GRID2: variants seen among roughly 807,000 people sequenced by gnomAD.
The protein encoded by GRID2 is glutamate receptor ionotropic, delta-2.
GRID2 carries 33 observed loss-of-function variants against 114.8 expected under a neutral mutation model. The observed-to-expected ratio is 0.29, with a 90% CI of 0.22 to 0.38. The LOEUF is 0.38. Ranked by LOEUF, GRID2 falls within the 10% of genes least tolerant of loss-of-function variation. The pLI, the probability that GRID2 is intolerant of heterozygous loss-of-function variation, is 1.00. For synonymous variants in GRID2, 505 were observed against 449.9 expected (o/e 1.12, Z -1.55); for missense variants, 1,184 against 1,257.7 (o/e 0.94, Z 0.89).
At chr4:92,860,222 T>C (rs1744440738) in intron 2 of GRID2, among the ~76,000 whole-genome samples, 1 of 152,036 alleles carries the variant, frequency 6.6e-6, no homozygotes, top group Non-Finnish European at 1.5e-5. Context: ...CAGAGTTGAA[T>C]AGAACGTAAG....
At chr4:92,753,364 T>C (rs1169496367) in intron 2 of GRID2, among the ~76,000 whole-genome samples, 2 of 152,138 alleles carry the variant, frequency 1.3e-5, no homozygotes, top group Admixed American at 6.6e-5. Context: ...TGATGCGTAA[T>C]AAATGACATT....
chr4:93,634,529 G>A (rs1028743034), intron 14 of GRID2, among the ~76,000 whole-genome samples: 9 of 152,094 alleles, frequency 5.9e-5, no homozygotes, highest in African/African-American at 2.2e-4. Context: ...TAAATTTGAG[G>A]AAACTGAGCC....
chr4:92,624,250 G>A (rs977942427), intron 2 of GRID2, among the ~76,000 whole-genome samples: 1 of 151,818 alleles, frequency 6.6e-6, no homozygotes, highest in African/African-American at 2.4e-5. Flanking sequence ...GAGTAAAGTG[G>A]CACAAACAAT....
At chr4:93,259,334 G>T (rs1231327577) in intron 8 of GRID2, among the ~76,000 whole-genome samples, 1 of 151,722 alleles carries the variant, frequency 6.6e-6, no homozygotes, top group African/African-American at 2.4e-5. Context: ...TCATAGTTAG[G>T]CACTTACAAT....
chr4:93,621,888 AT>A (rs1158675464), intron 13 of GRID2, among the ~76,000 whole-genome samples: 1 of 152,054 alleles, frequency 6.6e-6, no homozygotes, highest in Non-Finnish European at 1.5e-5. Context: ...GAGACAGCAT[AT>A]ATAATGGCAA....
intron 2 of GRID2, among the ~76,000 whole-genome samples, chr4:92,901,076 G>T (rs967658917): frequency 6.6e-6 from 1 of 151,828 alleles, no homozygotes; most frequent in South Asian, 2.1e-4. Flanking sequence ...TTTTTTTAGC[G>T]GGGGGATTAG....
At chr4:92,725,297 G>C (rs1199140076) in intron 2 of GRID2, among the ~76,000 whole-genome samples, 1 of 152,050 alleles carries the variant, frequency 6.6e-6, no homozygotes, top group Non-Finnish European at 1.5e-5. Flanking sequence ...GAGCAACACT[G>C]TCTCAGAATA....
chr4:93,027,653 A>T (rs1459409312), intron 2 of GRID2, among the ~76,000 whole-genome samples: 1 of 152,174 alleles, frequency 6.6e-6, no homozygotes, highest in Non-Finnish European at 1.5e-5. Flanking sequence ...TGATTTTTAC[A>T]GTGAAATTCA....
At chr4:92,461,286 G>GC (rs1721483595) in intron 1 of GRID2, among the ~76,000 whole-genome samples, 1 of 151,812 alleles carries the variant, frequency 6.6e-6, no homozygotes, top group Admixed American at 6.6e-5. Context: ...GTGACATTAA[G>GC]CAAAAGGACA....
intron 14 of GRID2, among the ~76,000 whole-genome samples, chr4:93,727,611 G>T (rs536347779): frequency 6.6e-6 from 1 of 152,220 alleles, no homozygotes; most frequent in Admixed American, 6.5e-5. Context: ...GAATCCATCT[G>T]GTCCTGGACT....
At chr4:92,513,354 C>T (rs1025005936) in intron 1 of GRID2, among the ~76,000 whole-genome samples, 40 of 151,850 alleles carry the variant, frequency 2.6e-4, no homozygotes, top group African/African-American at 7.7e-4. Context: ...TATCACACAC[C>T]ATGTTCTGCT....
intron 1 of GRID2, among the ~76,000 whole-genome samples, chr4:92,589,563 C>A (rs939077212): frequency 1.3e-5 from 2 of 152,092 alleles, no homozygotes; most frequent in African/African-American, 2.4e-5. Context: ...AAATATTTAT[C>A]CATTCCCTCT....
chr4:93,194,311 A>G (rs2149450996), intron 4 of GRID2, among the ~76,000 whole-genome samples: 1 of 152,350 alleles, frequency 6.6e-6, no homozygotes, highest in African/African-American at 2.4e-5. Context: ...CATCAAACTA[A>G]TTTGTGCAAA....
intron 13 of GRID2, 107 bp downstream of exon 13, chr4:93,515,518 T>C: frequency 2.8e-6 from 2 of 722,686 alleles, no homozygotes; most frequent in Non-Finnish European, 4.6e-6. Context: ...TTTTTATCTT[T>C]AATGCTGACG....
At chr4:92,328,082 A>G (rs1726689190) in intron 1 of GRID2, among the ~76,000 whole-genome samples, 1 of 151,974 alleles carries the variant, frequency 6.6e-6, no homozygotes, top group Non-Finnish European at 1.5e-5. Flanking sequence ...TATATAAGAT[A>G]GAGACAGGGA....
chr4:92,321,592 A>G (rs17238193), intron 1 of GRID2, among the ~76,000 whole-genome samples: 9,867 of 152,240 alleles, frequency 0.065, 366 homozygotes, highest in Middle Eastern at 0.14. Context: ...AAGTCGGTCC[A>G]TTGTAAAAGA....
chr4:92,910,598 A>G (rs1410827542), intron 2 of GRID2, among the ~76,000 whole-genome samples: 1 of 152,140 alleles, frequency 6.6e-6, no homozygotes, highest in East Asian at 1.9e-4. Context: ...TGCTAAATAC[A>G]ATGAGAATTT....
chr4:92,688,066 T>TTTTTTTTTTTTTTTTTTTTG (rs1352613092), intron 2 of GRID2, among the ~76,000 whole-genome samples: 1 of 134,956 alleles, frequency 7.4e-6, no homozygotes, highest in African/African-American at 2.9e-5. Flanking sequence ...TTTTTTTTTT[T>TTTTTTTTTTTTTTTTTTTTG]GGGATGGAGT....
chr4:92,541,157 G>C (rs555551791), intron 1 of GRID2, among the ~76,000 whole-genome samples: 127 of 152,152 alleles, frequency 8.3e-4, no homozygotes, highest in African/African-American at 2.7e-3. Flanking sequence ...GTGGGGAGAG[G>C]GGGGAGGGAT....
Sources: allele counts gnomAD v4.1 joint callset (sites outside exome capture counted in the v4.1 genomes callset), GRCh38; gene constraint gnomAD v4.1.1; transcripts MANE v1.5; gene names NCBI Gene and HGNC (gene_info 2026-07-23, HGNC 2026-07-21).